The following COG5 variants were observed in gnomAD, a reference collection of about 807,000 sequenced individuals.
The protein encoded by COG5 is conserved oligomeric Golgi complex subunit 5.
A neutral mutation model predicts 110.4 loss-of-function variants in COG5; 86 were observed. The observed-to-expected ratio is 0.78, with a 90% CI of 0.65 to 0.93. COG5 has a LOEUF of 0.93. Among genes scored for constraint, COG5 ranks in the 40% least tolerant of loss-of-function variants. The probability of loss-of-function intolerance (pLI) is 0.00; values close to 1 mark genes in which losing one functional copy is unlikely to be tolerated. For missense variants in COG5, 1,077 were observed against 987.0 expected (o/e 1.09, Z -1.22); for synonymous variants, 360 against 334.6 (o/e 1.08, Z -0.83).
intron 6 of COG5, among the ~76,000 whole-genome samples, chr7:107,499,279 TAA>T (rs1413279586): frequency 1.3e-5 from 2 of 152,156 alleles, no homozygotes; most frequent in Non-Finnish European, 2.9e-5. Flanking sequence ...AAAAATCTGT[TAA>T]GAGGGTAGAT....
At chr7:107,278,559 T>C (rs1804892085) in intron 14 of COG5, among the ~76,000 whole-genome samples, 1 of 152,176 alleles carries the variant, frequency 6.6e-6, no homozygotes, top group African/African-American at 2.4e-5. Context: ...CTGAGAATGA[T>C]GGTTTTCAGC....
At chr7:107,332,069 G>A (rs537187815) in intron 10 of COG5, among the ~76,000 whole-genome samples, 37 of 152,180 alleles carry the variant, frequency 2.4e-4, no homozygotes, top group Middle Eastern at 3.4e-3. Flanking sequence ...GGATGGTCTC[G>A]AACTCCTGAC....
chr7:107,202,284 T>TAAGGTGGTGA lies in COG5; in HGVS notation c.*1231_*1232insTCACCACCTT, dbSNP rs1798387825. On this transcript the variant is annotated 3_prime_UTR_variant, in exon 22 of 22. Coordinates refer to ENST00000297135, the MANE Select transcript of COG5 (RefSeq NM_006348.5). ...TTTGCACTTACTGCAGTGCAACACTTGCACTTTAATTTTCCTCCAACTGTC... is the reference window on the plus strand; with the variant it reads ...TTTGCACTTACTGCAGTGCAACACTTAAGGTGGTGAGCACTTTAATTTTCCTCCAACTGTC... 3 of 152,654 alleles carry TAAGGTGGTGA rather than the reference T, an allele frequency of 2.0e-5. No homozygotes were observed. The highest frequency in any genetic ancestry group is 4.4e-5 in the Non-Finnish European group (3 of 68,030). The allele number at this position is 152,654 out of a possible 1,614,324, so 9.5% of individuals were successfully genotyped here.
chr7:107,270,643 A>C (rs755883938), intron 14 of COG5, among the ~76,000 whole-genome samples: 1 of 152,006 alleles, frequency 6.6e-6, no homozygotes, highest in African/African-American at 2.4e-5. Flanking sequence ...ACACACACAC[A>C]CACCCCTTTA....
intron 6 of COG5, among the ~76,000 whole-genome samples, chr7:107,511,425 T>G (rs1799501707): frequency 6.6e-6 from 1 of 152,012 alleles, no homozygotes; most frequent in African/African-American, 2.4e-5. Context: ...CCAAAAAAAG[T>G]CCAGGAGCAG....
At chr7:107,450,543 T>C (rs1795270021) in intron 6 of COG5, among the ~76,000 whole-genome samples, 1 of 152,192 alleles carries the variant, frequency 6.6e-6, no homozygotes, top group African/African-American at 2.4e-5. Flanking sequence ...AGGTTTTTAA[T>C]GTGGACAAAA....
chr7:107,428,818 A>C (rs148103868), intron 6 of COG5, among the ~76,000 whole-genome samples: 47 of 152,332 alleles, frequency 3.1e-4, no homozygotes, highest in African/African-American at 1.1e-3. Flanking sequence ...TGAGCTGTTT[A>C]ATCTTCTACA....
At chr7:107,389,661 C>T (rs961193016) in intron 7 of COG5, among the ~76,000 whole-genome samples, 6 of 152,128 alleles carry the variant, frequency 3.9e-5, no homozygotes, top group African/African-American at 4.8e-5. Context: ...GGAGCCCCCA[C>T]GGCCATTTGC....
At chr7:107,418,973 C>A (rs1041157869) in intron 6 of COG5, among the ~76,000 whole-genome samples, 1 of 152,110 alleles carries the variant, frequency 6.6e-6, no homozygotes, top group Non-Finnish European at 1.5e-5. Flanking sequence ...CAGGGTTTCA[C>A]CATGTTGGCC....
intron 10 of COG5, among the ~76,000 whole-genome samples, chr7:107,341,865 T>C (rs891511073): frequency 6.6e-6 from 1 of 152,216 alleles, no homozygotes; most frequent in African/African-American, 2.4e-5. Flanking sequence ...CCTTTTATTA[T>C]ATGCAAAACT....
rs146465863 is a variant in COG5 at position 107,315,581 on chromosome 7, C to T, written c.1108+8859G>A. On this transcript the variant is annotated intron_variant, in intron 11 of 21. Transcript: ENST00000297135. ...CTAATAGAACTTTTTTTTTTTTTAA[C>T]TAAGCATGAACATGTATAATCAGAA... 7.2e-3 allele frequency among the ~76,000 whole-genome samples: 1,072 copies of T among 148,058 alleles called. 3 individuals are homozygous for T. The highest frequency in any genetic ancestry group is 0.011 in the Admixed American group (168 of 14,896).
intron 10 of COG5, among the ~76,000 whole-genome samples, chr7:107,335,067 T>C (rs773408023): frequency 6.6e-6 from 1 of 152,200 alleles, no homozygotes; most frequent in Non-Finnish European, 1.5e-5. Flanking sequence ...AAAAAGTAAA[T>C]TGACCAAACA....
chr7:107,541,513 A>ATATATAT (rs1584948575), intron 5 of COG5, among the ~76,000 whole-genome samples: 4 of 98,114 alleles, frequency 4.1e-5, no homozygotes, highest in Non-Finnish European at 9.2e-5. Context: ...AAAAAAAAAA[A>ATATATAT]AAAAAAAAAA....
In COG5 at chr7:107,558,069, A is replaced by G. The variant is rs766371051; in HGVS notation, c.141T>C (p.Tyr47=). Residue 47 remains tyrosine (Y), a synonymous_variant, in exon 2 of 22, where the codon TAT becomes TAC. Transcript: ENST00000297135. ...CAGCTTGATGAATAGATTGAGAAGTATAAGTCTTTACATCAAAGTCTTCGT... is the reference window on the plus strand; with the variant it reads ...CAGCTTGATGAATAGATTGAGAAGTGTAAGTCTTTACATCAAAGTCTTCGT... ...FLNEDFDVKT[Y]TSQSIHQAVI... is the part of the protein sequence containing the mutation. The G allele has an allele frequency of 8.1e-5, 131 of 1,613,838 alleles. No individual in the cohort carries two copies. The Middle Eastern group carries it at 3.1e-3, about 38-fold the overall frequency.
At chr7:107,497,204 A>G (rs1312593881) in intron 6 of COG5, among the ~76,000 whole-genome samples, 1 of 152,194 alleles carries the variant, frequency 6.6e-6, no homozygotes, top group African/African-American at 2.4e-5. Context: ...TGGCAAAGCA[A>G]GGCCCTGTCT....
chr7:107,227,883 A>G (rs1200867149), intron 19 of COG5, among the ~76,000 whole-genome samples: 10 of 152,036 alleles, frequency 6.6e-5, no homozygotes, highest in Admixed American at 6.6e-4. Flanking sequence ...TAATTTTTGT[A>G]CTTTTTGGTA....
intron 5 of COG5, among the ~76,000 whole-genome samples, chr7:107,544,145 T>C (rs1802250022): frequency 6.6e-6 from 1 of 152,004 alleles, no homozygotes. Context: ...AGGACCACCC[T>C]TGCAAACCCA....
chr7:107,539,346 T>G (rs1415780590), intron 5 of COG5, among the ~76,000 whole-genome samples: 1 of 152,206 alleles, frequency 6.6e-6, no homozygotes, highest in Non-Finnish European at 1.5e-5. Context: ...AGTTGCAGTT[T>G]CCAAGAACCT....
chr7:107,521,212 AC>A (rs1800298337), intron 6 of COG5, among the ~76,000 whole-genome samples: 1 of 152,222 alleles, frequency 6.6e-6, no homozygotes, highest in African/African-American at 2.4e-5. Flanking sequence ...CATAGACAAG[AC>A]CATTCAGGGC....
Sources: gnomAD v4.1 joint callset for allele counts (sites outside exome capture counted in the v4.1 genomes callset) on GRCh38, gnomAD v4.1.1 for gene constraint, MANE v1.5 for transcripts, NCBI Gene and HGNC (gene_info 2026-07-23, HGNC 2026-07-21) for gene names.